NAV3: variants seen among roughly 807,000 people sequenced by gnomAD.
NAV3 encodes pore membrane and/or filament interacting like protein 1.
In NAV3, 87 loss-of-function variants were observed where a neutral mutation model predicts 244.7. The ratio of observed to expected loss-of-function variants is 0.36; its 90% CI spans 0.30 to 0.42. The LOEUF (loss-of-function observed/expected upper bound fraction) is 0.42. Among genes scored for constraint, NAV3 ranks in the 20% least tolerant of loss-of-function variants. NAV3 has a pLI of 1.00. For synonymous variants in NAV3, 1,126 were observed against 1,042.2 expected (o/e 1.08, Z -1.55); for missense variants, 2,663 against 2,893.3 (o/e 0.92, Z 1.83).
chr12:78,158,621 C>A (rs1490522375), intron 22 of NAV3, among the ~76,000 whole-genome samples: 2 of 152,006 alleles, frequency 1.3e-5, no homozygotes, highest in Non-Finnish European at 2.9e-5. Context: ...AGTAGAAAAG[C>A]CCTTTTATTG....
At chr12:77,657,186 T>A (rs948648783) in intron 2 of NAV3, among the ~76,000 whole-genome samples, 2 of 144,746 alleles carry the variant, frequency 1.4e-5, no homozygotes, top group African/African-American at 5.5e-5. Context: ...TTTGAAAGGA[T>A]CAACAAAATA....
intron 34 of NAV3, among the ~76,000 whole-genome samples, chr12:78,194,447 T>A (rs1344949234): frequency 1.3e-5 from 2 of 152,116 alleles, no homozygotes; most frequent in African/African-American, 4.8e-5. Flanking sequence ...AATTAAAATC[T>A]GATCAAATTT....
intron 12 of NAV3, among the ~76,000 whole-genome samples, chr12:78,111,924 A>T (rs1001218097): frequency 2.6e-5 from 4 of 152,204 alleles, no homozygotes; most frequent in Non-Finnish European, 4.4e-5. Context: ...TATAGTAAAG[A>T]AATATATATT....
At chr12:77,629,023 A>G (rs1170119002) in intron 2 of NAV3, among the ~76,000 whole-genome samples, 1 of 152,208 alleles carries the variant, frequency 6.6e-6, no homozygotes, top group Admixed American at 6.5e-5. Context: ...TAGTAGGTAA[A>G]CCTTAATTGC....
intron 1 of NAV3, among the ~76,000 whole-genome samples, chr12:77,937,080 G>T (rs1889394774): frequency 6.6e-6 from 1 of 152,154 alleles, no homozygotes; most frequent in African/African-American, 2.4e-5. Flanking sequence ...AGGGTCTCAA[G>T]TATCTTTTAA....
intron 1 of NAV3, among the ~76,000 whole-genome samples, chr12:77,925,235 T>C (rs1888079218): frequency 6.6e-6 from 1 of 152,186 alleles, no homozygotes; most frequent in South Asian, 2.1e-4. Flanking sequence ...GAAGGTCAAC[T>C]TTAATCATAG....
intron 2 of NAV3, among the ~76,000 whole-genome samples, chr12:77,701,238 C>T (rs1875546596): frequency 6.6e-6 from 1 of 151,804 alleles, no homozygotes; most frequent in Non-Finnish European, 1.5e-5. Flanking sequence ...TGATACAAAG[C>T]TATTTAGTTT....
chr12:78,177,293 G>A lies in NAV3; in HGVS notation c.5277G>A (p.Lys1759=). 1 of 1,612,028 alleles carries A rather than the reference G, an allele frequency of 6.2e-7. No individual in the cohort carries two copies. ...GTGACTGTGGCTCAGCATCCATGAA[G>A]CCCTCACAATCTGCTTCAGCGTAAG... is the stretch of plus-strand genomic sequence containing the variant. ...NAGDCGSASM[K]PSQSASASPL... The change falls in exon 27 of 40, where the codon AAG becomes AAA. Residue 1759 remains lysine, a synonymous_variant. Coordinates refer to ENST00000397909, the MANE Select transcript of NAV3 (RefSeq NM_001024383.2).
chr12:77,778,330 A>G (rs950224457), intron 2 of NAV3, among the ~76,000 whole-genome samples: 1 of 150,906 alleles, frequency 6.6e-6, no homozygotes, highest in Middle Eastern at 3.4e-3. Context: ...ATGCATTTAT[A>G]GGCCGGGCGC....
At chr12:77,901,752 T>A (rs1006516062) in intron 1 of NAV3, among the ~76,000 whole-genome samples, 7 of 152,070 alleles carry the variant, frequency 4.6e-5, no homozygotes, top group African/African-American at 1.7e-4. Flanking sequence ...GTTTCATTCT[T>A]CTTCGTATGG....
chr12:77,939,301 C>T (rs1889636050), intron 1 of NAV3, among the ~76,000 whole-genome samples: 1 of 151,970 alleles, frequency 6.6e-6, no homozygotes, highest in African/African-American at 2.4e-5. Flanking sequence ...TATGTTATAC[C>T]CACTGCAAGG....
chr12:77,590,914 C>T (rs1413655095), intron 2 of NAV3, among the ~76,000 whole-genome samples: 1 of 152,114 alleles, frequency 6.6e-6, no homozygotes, highest in Non-Finnish European at 1.5e-5. Context: ...TACTTGACAT[C>T]ATTAGGTGGT....
chr12:78,036,711 T>A lies in NAV3; in HGVS notation c.2024-13282T>A. ...AAGCTAAATTGGGGGCAAATAATTA[T>A]ATATACTATATCTCTAGAATCTTCT... On this transcript the variant is annotated intron_variant, in intron 9 of 39. Transcript: ENST00000397909. 4 of 564,430 alleles carry A rather than the reference T, an allele frequency of 7.1e-6. 1 individual carries two copies. The highest frequency in any genetic ancestry group is 1.3e-5 in the Non-Finnish European group (4 of 316,298). The allele number at this position is 564,430 out of a possible 1,614,324, so 35.0% of individuals were successfully genotyped here. A position where few individuals can be genotyped will look rare whatever the true frequency, so the allele number is the denominator to read the frequency against.
At position 77,831,286 on chromosome 12, in the gene NAV3, T is replaced by C; in HGVS notation, c.-176T>C. 1 of 560,092 alleles carries C rather than the reference T, an allele frequency of 1.8e-6. No homozygotes were observed. The highest frequency in any genetic ancestry group is 3.1e-5 in the South Asian group (1 of 32,352). The allele number at this position is 560,092 out of a possible 1,614,324, so 34.7% of individuals were successfully genotyped here. ...CAGCAAGAAAGAAAAGATACTTAAC[T>C]AAAGATGCAGGGAAGTTTTGCCTCT... On this transcript the variant is annotated 5_prime_UTR_variant, in exon 1 of 40. Coordinates refer to ENST00000397909, the MANE Select transcript of NAV3 (RefSeq NM_001024383.2).
chr12:77,896,912 G>A (rs929985502), intron 1 of NAV3, among the ~76,000 whole-genome samples: 7 of 152,306 alleles, frequency 4.6e-5, no homozygotes, highest in Non-Finnish European at 7.3e-5. Flanking sequence ...GTGGGAGGTA[G>A]ATGAACAGCC....
rs770534954 is a variant in NAV3 at position 78,197,322 on chromosome 12, A to G, written c.6367A>G (p.Ile2123Val). The G allele has an allele frequency of 1.9e-6, 3 of 1,609,260 alleles. No homozygotes were observed. The highest frequency in any genetic ancestry group is 1.7e-6 in the Non-Finnish European group (2 of 1,177,110). The change falls in exon 35 of 40, where the codon ATA (isoleucine) becomes GTA (valine). Residue 2123 changes from isoleucine (I) to valine (V), a missense_variant. By Grantham distance (29) the Ile-to-Val change is conservative. Transcript: ENST00000397909. ...DNNGVELPVV[I>V]ILDNLHHVGS... ...TAATGGAGTGGAGCTCCCAGTTGTA[A>G]TAATTCTTGATAATCTTCATCATGT... is the stretch of plus-strand genomic sequence containing the variant.
chr12:77,940,544 A>G (rs1393644498), intron 2 of NAV3, 108 bp downstream of exon 2: 6 of 770,772 alleles, frequency 7.8e-6, no homozygotes, highest in Non-Finnish European at 1.3e-5. Context: ...TGTCTCTGAG[A>G]TTCATGTAGC....
At chr12:77,869,129 G>A (rs1325200214) in intron 1 of NAV3, among the ~76,000 whole-genome samples, 1 of 152,108 alleles carries the variant, frequency 6.6e-6, no homozygotes, top group East Asian at 1.9e-4. Context: ...GGGAAACAAG[G>A]TCAAATGGAA....
At chr12:77,948,690 C>CCA (rs1210943424) in intron 3 of NAV3, among the ~76,000 whole-genome samples, 1 of 140,470 alleles carries the variant, frequency 7.1e-6, no homozygotes, top group Non-Finnish European at 1.5e-5. Context: ...GCCCCCCCAC[C>CCA]ACTGCCAAAC....
Sources: allele counts gnomAD v4.1 joint callset (sites outside exome capture counted in the v4.1 genomes callset), GRCh38; gene constraint gnomAD v4.1.1; transcripts MANE v1.5; gene names NCBI Gene and HGNC (gene_info 2026-07-23, HGNC 2026-07-21).